Variants in AATK observed in about 807,000 individuals in gnomAD.
The protein encoded by AATK is lemur tail kinase 1, also known as serine/threonine-protein kinase LMTK1.
AATK carries 91 observed loss-of-function variants against 114.3 expected under a neutral mutation model. That is an observed-to-expected ratio of 0.80 (90% CI 0.67 to 0.95). The LOEUF (loss-of-function observed/expected upper bound fraction) is 0.95, where lower values mean the gene tolerates loss of function less well. AATK is among the 40% of genes least tolerant of loss of function. The pLI, the probability that AATK is intolerant of heterozygous loss-of-function variation, is 0.00. For synonymous variants in AATK, 1,075 were observed against 916.5 expected, an observed-to-expected ratio of 1.17 and a Z score of -3.12; for missense variants, 2,176 against 1,965.2, an observed-to-expected ratio of 1.11 and a Z score of -2.03.
intron 1 of AATK, among the ~76,000 whole-genome samples, chr17:81,160,538 G>C (rs1451823607): frequency 6.6e-6 from 1 of 152,252 alleles, no homozygotes; most frequent in African/African-American, 2.4e-5. Flanking sequence ...CTCTGTGAAA[G>C]GCAGGGCAAG....
In AATK at chr17:81,126,746, AG is replaced by A; in HGVS notation, c.622-187del. Reference sequence around the variant, plus strand: ...TTCCTGGAGGGGGGCCGTGTCCCCCAGGGCTGGGCTGGACTGAAGGCTTCCT... The same window carrying A: ...TTCCTGGAGGGGGGCCGTGTCCCCCAGGCTGGGCTGGACTGAAGGCTTCCT... On this transcript the variant is annotated intron_variant, in intron 6 of 13. Coordinates refer to ENST00000326724, the MANE Select transcript of AATK (RefSeq NM_001080395.3). This position sits in a 1 kb window ranked among gnomAD's most constrained non-coding sequence, Gnocchi z 5.1. 1.3e-5 allele frequency: 18 copies of A among 1,414,244 alleles called. No homozygotes were observed. The highest frequency in any genetic ancestry group is 1.7e-5 in the Non-Finnish European group (18 of 1,086,166). 87.6% of individuals were successfully genotyped at this position (1,414,244 alleles called of 1,614,324 possible).
chr17:81,152,865 C>G (rs1821490081), intron 1 of AATK, among the ~76,000 whole-genome samples: 1 of 146,410 alleles, frequency 6.8e-6, no homozygotes, highest in Non-Finnish European at 1.5e-5. Flanking sequence ...TTTTTTGAGA[C>G]CAAGTCTCGC....
chr17:81,123,238 G>T lies in AATK; in HGVS notation c.1068C>A (p.Leu356=). 7.0e-7 allele frequency: 1 copy of T among 1,419,110 alleles called. No homozygotes were observed. The allele number at this position is 1,419,110 out of a possible 1,614,324, so 87.9% of individuals were successfully genotyped here. A position where few individuals can be genotyped will look rare whatever the true frequency, so the allele number is the denominator to read the frequency against. ...VLAYTVREQQ[L]KLPKPQLQLT... is the part of the protein sequence containing the mutation. ...GCTGCAGCTGGGGCTTGGGCAGCTT[G>T]AGCTGCTGCTCCCGGACCGTGTACG... is the stretch of plus-strand genomic sequence containing the variant. Residue 356 remains leucine, a synonymous_variant, in exon 10 of 14, where the codon CTC becomes CTA. Coordinates refer to ENST00000326724, the MANE Select transcript of AATK (RefSeq NM_001080395.3).
At chr17:81,137,396 G>A (rs191973020) in intron 1 of AATK, among the ~76,000 whole-genome samples, 3 of 152,254 alleles carry the variant, frequency 2.0e-5, no homozygotes, top group Admixed American at 6.5e-5. Context: ...CTGGGCAGAG[G>A]AGGGGGGGTT....
intron 1 of AATK, among the ~76,000 whole-genome samples, chr17:81,142,649 G>T (rs1425004483): frequency 6.6e-6 from 1 of 152,206 alleles, no homozygotes; most frequent in African/African-American, 2.4e-5. Flanking sequence ...ACCAAGAGCA[G>T]GGAAGAGAAG....
rs770687787 is a variant in AATK, at chr17:81,121,802, T to G, written c.2134A>C (p.Lys712Gln). The part of the protein sequence containing the change: ...GGHAEGCPSP[K>Q]QTPRASPEPG... ...TCGGGGGAGGCCCGTGGGGTCTGCT[T>G]TGGACTGGGGCAGCCCTCAGCGTGG... The change falls in exon 11 of 14, where the codon AAG becomes CAG. Residue 712 changes from lysine (K) to glutamine (Q), a missense_variant. By Grantham distance (53) the Lys-to-Gln change is moderately conservative. This residue lies in a region of AATK where 1,701 missense variants were observed against 1,394.7 expected (regional missense o/e 1.22). Coordinates refer to ENST00000326724, the MANE Select transcript of AATK (RefSeq NM_001080395.3). The G allele has an allele frequency of 2.3e-5, 36 of 1,580,628 alleles. No homozygotes were observed. The highest frequency in any genetic ancestry group is 2.8e-5 in the Non-Finnish European group (33 of 1,169,548).
chr17:81,159,699 G>A lies in AATK; in HGVS notation c.55+6239C>T, dbSNP rs558765137. ...GGGCCCCACCGAGCACCAGGGCCTC[G>A]TCGGAGGATCCTCACACCGAGGACG... On this transcript the variant is annotated intron_variant, in intron 1 of 13. Transcript: ENST00000326724. Among the ~76,000 whole-genome samples, 17 of 152,072 alleles carry A rather than the reference G, an allele frequency of 1.1e-4. No homozygotes were observed. The East Asian group carries it at 2.1e-3, about 19-fold the overall frequency.
chr17:81,119,201 G>T (rs4969393), intron 13 of AATK, among the ~76,000 whole-genome samples, 179 bp downstream of exon 13: 6,101 of 130,416 alleles, frequency 0.047, 242 homozygotes, highest in East Asian at 0.07. Context: ...AGGGCCAGGC[G>T]AGGGCCAGGC....
rs527352561 is a variant in AATK, at chr17:81,122,033, A to G, written c.1903T>C (p.Cys635Arg). 1.1e-5 allele frequency: 17 copies of G among 1,599,484 alleles called. No homozygotes were observed. Among genetic ancestry groups the G allele is most frequent in the East Asian group, 2.2e-5 (1 of 44,818 alleles). The change falls in exon 11 of 14, where the codon TGT becomes CGT. Residue 635 changes from cysteine to arginine, a missense_variant. Cys to Arg is a radical substitution (Grantham distance 180). Transcript: ENST00000326724. Reference protein sequence around the residue: ...EDADWGVAAFCPAFFEDPLGT... With the variant: ...EDADWGVAAFRPAFFEDPLGT... ...AGTGGGTCCTCGAAGAAGGCAGGAC[A>G]GAAGGCGGCCACGCCCCAGTCTGCA...
chr17:81,123,073 G>C (rs2060721877), intron 10 of AATK, 121 bp downstream of exon 10: 2 of 1,170,316 alleles, frequency 1.7e-6, no homozygotes, highest in African/African-American at 3.2e-5. Context: ...GGCCCTACCA[G>C]AGGGGAGGGG....
At position 81,120,198 on chromosome 17, in the gene AATK, C is replaced by T. The variant is rs767115629; in HGVS notation, c.3735+3G>A. On this transcript the variant is annotated splice_donor_region_variant and intron_variant, in intron 11 of 13. Coordinates refer to ENST00000326724, the MANE Select transcript of AATK (RefSeq NM_001080395.3). ...GGGCAGACCCCGGGTGGCGGCGGCC[C>T]ACCTGGTCAAAGAGGTAGACGGTGA... The T allele has an allele frequency of 1.1e-5, 17 of 1,564,680 alleles. No homozygotes were observed. The South Asian group carries it at 1.7e-4, about 16-fold the overall frequency.
intron 13 of AATK, 57 bp downstream of exon 13, chr17:81,119,323 G>T (rs2060651558): frequency 1.7e-6 from 2 of 1,176,834 alleles, no homozygotes; most frequent in African/African-American, 5.2e-5. Flanking sequence ...CCCACCCTCG[G>T]AGCTCCGTGC....
chr17:81,165,288 G>A (rs370655986), intron 1 of AATK, among the ~76,000 whole-genome samples: 333 of 152,296 alleles, frequency 2.2e-3, no homozygotes, highest in Non-Finnish European at 3.4e-3. Context: ...GGGTAATCTC[G>A]CCCTGCCCGG....
rs565422014 is a variant in AATK at position 81,165,838 on chromosome 17, G to T, written c.55+100C>A. 5.4e-5 allele frequency: 82 copies of T among 1,522,350 alleles called. No individual in the cohort carries two copies. The African/African-American group carries it at 1.0e-3, about 19-fold the overall frequency. The allele number at this position is 1,522,350 out of a possible 1,614,324, so 94.3% of individuals were successfully genotyped here. A position where few individuals can be genotyped will look rare whatever the true frequency, so the allele number is the denominator to read the frequency against. ...TGCTGCTGGGCTCGGGGCGGGGAAA[G>T]GGTTAATTTCCATGCAAACCGGGAG... is the stretch of plus-strand genomic sequence containing the variant. On this transcript the variant is annotated intron_variant, in intron 1 of 13. Coordinates refer to ENST00000326724, the MANE Select transcript of AATK (RefSeq NM_001080395.3).
chr17:81,139,243 G>C (rs2061085853), intron 1 of AATK, among the ~76,000 whole-genome samples: 1 of 152,162 alleles, frequency 6.6e-6, no homozygotes, highest in Admixed American at 6.5e-5. Flanking sequence ...TGCTCCAGAT[G>C]CCATGCCTGC....
chr17:81,139,945 A>T (rs992480916), intron 1 of AATK, among the ~76,000 whole-genome samples: 5 of 152,212 alleles, frequency 3.3e-5, no homozygotes, highest in African/African-American at 7.2e-5. Flanking sequence ...GTCACAGCCC[A>T]TGAGTCCTCT....
intron 2 of AATK, among the ~76,000 whole-genome samples, chr17:81,134,129 G>A (rs965027632): frequency 3.9e-5 from 6 of 152,166 alleles, no homozygotes; most frequent in Non-Finnish European, 5.9e-5. Context: ...GAGTGGGAGC[G>A]TCAGACCACG....
At chr17:81,141,928 C>CTTCCTTCCTTCCT (rs1555597545) in intron 1 of AATK, among the ~76,000 whole-genome samples, 1,300 of 77,096 alleles carry the variant, frequency 0.017, 26 homozygotes, top group African/African-American at 0.049. Flanking sequence ...TCCTTCCTTC[C>CTTCCTTCCTTCCT]TTCCTTCCTT....
chr17:81,119,954 C>A lies in AATK; in HGVS notation c.3865G>T (p.Gly1289Cys). The stretch of plus-strand genomic sequence containing the variant: ...TGCTCACCCTCTTCCGCTGTGGAGC[C>A]ATTTGGGGAGCCATCAGCCTGCTGC... ...RPQQADGSPNGSTAEEGGGFA... is the reference protein window; with the variant it reads ...RPQQADGSPNCSTAEEGGGFA... Residue 1289 changes from glycine (G) to cysteine (C), a missense_variant, in exon 12 of 14, where the codon GGC (glycine) becomes TGC (cysteine). Transcript: ENST00000326724. 1.4e-6 allele frequency: 2 copies of A among 1,448,352 alleles called. No individual in the cohort carries two copies. The highest frequency in any genetic ancestry group is 9.1e-7 in the Non-Finnish European group (1 of 1,102,490). 89.7% of individuals were successfully genotyped at this position (1,448,352 alleles called of 1,614,324 possible).
Sources: allele counts gnomAD v4.1 joint callset (sites outside exome capture counted in the v4.1 genomes callset), GRCh38; gene constraint gnomAD v4.1.1; regional missense constraint gnomAD v4.1.1; non-coding constraint Gnocchi (gnomAD v3.1); transcripts MANE v1.5; gene names NCBI Gene and HGNC (gene_info 2026-07-23, HGNC 2026-07-21).